The following DNAJB1 variants were observed in gnomAD, a reference collection of about 807,000 sequenced individuals.
DNAJB1 encodes the protein dnaJ homolog subfamily B member 1.
DNAJB1 carries 14 observed loss-of-function variants against 24.0 expected under a neutral mutation model. The observed-to-expected ratio is 0.58, with a 90% CI of 0.39 to 0.91. DNAJB1 has a LOEUF of 0.91. Ranked by LOEUF, DNAJB1 falls within the 40% of genes least tolerant of loss-of-function variation. The pLI, the probability that DNAJB1 is intolerant of heterozygous loss-of-function variation, is 0.00. For missense variants in DNAJB1, 517 were observed against 458.1 expected (o/e 1.13, Z -1.17); for synonymous variants, 262 against 174.4 (o/e 1.50, Z -3.96).
chr19:14,522,528 C>CTGAGG (rs2072372455), upstream of DNAJB1, among the ~76,000 whole-genome samples: 1 of 148,698 alleles, frequency 6.7e-6, no homozygotes, highest in Non-Finnish European at 1.5e-5. Context: ...AAAGCAAACA[C>CTGAGG]TGAGGTTTCC....
Position 14,527,844 on chromosome 19 carries a change from G to C in DNAJB1, c.-174-34C>G, listed in dbSNP as rs527857411. 2.0e-5 allele frequency: 3 copies of C among 152,326 alleles called. No homozygotes were observed. The East Asian group carries it at 5.8e-4, about 29-fold the overall frequency. The allele number at this position is 152,326 out of a possible 1,614,324, so 9.4% of individuals were successfully genotyped here. A position where few individuals can be genotyped will look rare whatever the true frequency, so the allele number is the denominator to read the frequency against. On this transcript the variant is annotated intron_variant, in intron 1 of 3. Coordinates refer to the DNAJB1 transcript ENST00000396969. ...AAGAGTAAGGAGAGGAGGTGAAGAA[G>C]TGTGCCAGGTACTGCCTGTTCCTTT... is the stretch of plus-strand genomic sequence containing the variant.
chr19:14,550,003 CCCTTT>C (rs140880890), intron 1 of DNAJB1, among the ~76,000 whole-genome samples: 3,176 of 152,024 alleles, frequency 0.021, 45 homozygotes, highest in Non-Finnish European at 0.023. Flanking sequence ...ACTCCCTGTC[CCCTTT>C]CCTTTCTTTC....
intron 1 of DNAJB1, chr19:14,527,854 T>TA (rs1266718187): frequency 6.6e-6 from 1 of 152,228 alleles, no homozygotes; most frequent in Non-Finnish European, 1.5e-5. Context: ...GTGTGCCAGG[T>TA]ACTGCCTGTT....
chr19:14,559,007 G>T (rs1045692599), intron 1 of DNAJB1, among the ~76,000 whole-genome samples: 1 of 152,176 alleles, frequency 6.6e-6, no homozygotes, highest in African/African-American at 2.4e-5. Context: ...CAGGCACAGA[G>T]CAGAGATTGG....
At position 14,537,843 on chromosome 19, in the gene DNAJB1, T is replaced by A. The variant is rs188963308; in HGVS notation, c.-213-10033A>T. 2.7e-5 allele frequency among the ~76,000 whole-genome samples: 4 copies of A among 150,614 alleles called. No homozygotes were observed. In the East Asian group the frequency reaches 7.8e-4, roughly 29 times the overall value. ...CTCGCTGCACCTCCGCCTCCCGGGT[T>A]CAGGCGATTCTCCTGCCTTAGTCTC... On this transcript the variant is annotated intron_variant, in intron 1 of 3. Coordinates refer to the DNAJB1 transcript ENST00000676982.
At chr19:14,559,227 C>T (rs894707478) in intron 1 of DNAJB1, among the ~76,000 whole-genome samples, 21 of 152,114 alleles carry the variant, frequency 1.4e-4, no homozygotes, top group Non-Finnish European at 7.3e-5. Flanking sequence ...TAAAAGTGAA[C>T]AGTGGCATTG....
Position 14,518,132 on chromosome 19 carries a change from C to A in DNAJB1, c.211+7G>T. 1 of 1,525,088 alleles carries A rather than the reference C, an allele frequency of 6.6e-7. No homozygotes were observed. The highest frequency in any genetic ancestry group is 8.8e-7 in the Non-Finnish European group (1 of 1,137,212). The allele number at this position is 1,525,088 out of a possible 1,614,324, so 94.5% of individuals were successfully genotyped here. On this transcript the variant is annotated splice_region_variant and intron_variant, in intron 1 of 2. Transcript: ENST00000254322. ...GCGGGGCCGCGCCCCTGGCCGCGAG[C>A]ACACACCTTCCTCCCCGTAGCGGTC...
chr19:14,521,004 A>G (rs2072353608), upstream of DNAJB1, among the ~76,000 whole-genome samples: 1 of 152,128 alleles, frequency 6.6e-6, no homozygotes, highest in African/African-American at 2.4e-5. Flanking sequence ...CCATAAAAAA[A>G]TTATATAAAT....
intron 1 of DNAJB1, 37 bp downstream of exon 1, chr19:14,518,102 A>AT (rs1568381349): frequency 1.4e-6 from 2 of 1,429,508 alleles, no homozygotes; most frequent in South Asian, 2.9e-5. Context: ...CCTGTCTGTC[A>AT]AAAGGCGGGG....
upstream of DNAJB1, among the ~76,000 whole-genome samples, chr19:14,522,658 G>A (rs1320655516): frequency 1.5e-5 from 2 of 129,424 alleles, no homozygotes; most frequent in Non-Finnish European, 3.3e-5. Flanking sequence ...ATAAATCTCT[G>A]CACACAAACA....
chr19:14,542,918 G>T (rs564648932), intron 1 of DNAJB1, among the ~76,000 whole-genome samples: 4 of 152,102 alleles, frequency 2.6e-5, no homozygotes, highest in African/African-American at 9.6e-5. Context: ...CGTAAGCAGA[G>T]CCCACCAGCC....
In DNAJB1 at chr19:14,516,159, G is replaced by C. The variant is rs1334938138; in HGVS notation, c.804C>G (p.Gly268=). Residue 268 remains glycine (G), a synonymous_variant, in exon 3 of 3, where the codon GGC becomes GGG. Transcript: ENST00000254322. ...CCAGAGTGGGGACGTTCACTGTGCA[G>C]CCACACAGAGCCTTGAAAAGCAAAA... ...ARISLREALC[G]CTVNVPTLDG... is the part of the protein sequence containing the mutation. 1 of 1,613,396 alleles carries C rather than the reference G, an allele frequency of 6.2e-7. No individual in the cohort carries two copies. Among genetic ancestry groups the C allele is most frequent in the East Asian group, 2.2e-5 (1 of 44,866 alleles).
chr19:14,542,345 G>GTGTTTTTT (rs2073123961), intron 1 of DNAJB1, among the ~76,000 whole-genome samples: 11 of 61,000 alleles, frequency 1.8e-4, no homozygotes, highest in African/African-American at 5.7e-4. Context: ...TCATGCCATA[G>GTGTTTTTT]TGTTTTTTTT....
intron 1 of DNAJB1, among the ~76,000 whole-genome samples, chr19:14,539,182 G>A (rs2073012675): frequency 7.7e-6 from 1 of 130,350 alleles, no homozygotes; most frequent in African/African-American, 3.0e-5. Context: ...TTTTAGTAGA[G>A]ACGAAGTTTT....
Position 14,529,302 on chromosome 19 carries a change from G to T in DNAJB1, c.-267C>A, listed in dbSNP as rs149311488. The T allele has an allele frequency of 5.8e-4, 228 of 389,936 alleles. 1 individual carries two copies. Among genetic ancestry groups the T allele is most frequent in the South Asian group, 1.1e-3 (44 of 41,856 alleles). 24.2% of individuals were successfully genotyped at this position (389,936 alleles called of 1,614,324 possible). ...CCCCGCCCCCGCGTCTGGCCTAACC[G>T]TCGCTTACCTTGGTTTCCACAGCGA... On this transcript the variant is annotated 5_prime_UTR_variant, in exon 1 of 4. Transcript: ENST00000396969.
At chr19:14,554,201 C>T (rs1014954226), upstream of DNAJB1, among the ~76,000 whole-genome samples, 2 of 152,164 alleles carry the variant, frequency 1.3e-5, no homozygotes, top group African/African-American at 2.4e-5. Context: ...GGCTCCTGCT[C>T]CCTCCGGCTG....
chr19:14,538,516 G>T lies in DNAJB1; in HGVS notation c.-213-10706C>A, dbSNP rs147072224. On this transcript the variant is annotated intron_variant, in intron 1 of 3. Coordinates refer to the DNAJB1 transcript ENST00000676982. ...TTTTGGCACCTGACCTCTTTGGAAG[G>T]CCTCAAAACTCTTTTTTTTCTTTTT... Among the ~76,000 whole-genome samples the T allele has an allele frequency of 8.8e-5, 13 of 147,286 alleles. No individual in the cohort carries two copies. In the East Asian group the frequency reaches 2.6e-3, roughly 29 times the overall value.
upstream of DNAJB1, among the ~76,000 whole-genome samples, chr19:14,518,627 C>A (rs2072323216): frequency 6.6e-6 from 1 of 152,104 alleles, no homozygotes; most frequent in African/African-American, 2.4e-5. Context: ...GGCGCGCGCG[C>A]ACAGGTCGGA....
At position 14,516,579 on chromosome 19, in the gene DNAJB1, T is replaced by C; in HGVS notation, c.679A>G (p.Thr227Ala). 1 of 1,614,110 alleles carries C rather than the reference T, an allele frequency of 6.2e-7. No homozygotes were observed. Among genetic ancestry groups the C allele is most frequent in the South Asian group, 1.1e-5 (1 of 91,076 alleles). The change falls in exon 2 of 3, where the codon ACC (threonine) becomes GCC (alanine). Residue 227 changes from threonine to alanine, a missense_variant. Coordinates refer to ENST00000254322, the MANE Select transcript of DNAJB1 (RefSeq NM_006145.3). ...KITFPKEGDQ[T>A]SNNIPADIVF... ...ATATCAGCTGGAATGTTGTTGGAGG[T>C]CTGGTCTCCTTCCTTGGGGAAAGTG...
Sources: allele counts gnomAD v4.1 joint callset (sites outside exome capture counted in the v4.1 genomes callset), GRCh38; gene constraint gnomAD v4.1.1; transcripts MANE v1.5; gene names NCBI Gene and HGNC (gene_info 2026-07-23, HGNC 2026-07-21).